Variants in MGMT observed in about 807,000 individuals in gnomAD.
MGMT encodes the protein methylated-DNA--protein-cysteine methyltransferase.
Under a neutral mutation model 15.9 loss-of-function variants are expected in MGMT, and 14 were observed. The observed-to-expected ratio is 0.88, with a 90% confidence interval of 0.58 to 1.37. The LOEUF is 1.37. MGMT is among the 40% of genes most tolerant of loss of function. MGMT has a pLI of 0.00. For synonymous variants in MGMT, 130 were observed against 118.2 expected, an observed-to-expected ratio of 1.10 and a Z score of -0.65; for missense variants, 282 against 268.1, an observed-to-expected ratio of 1.05 and a Z score of -0.36.
intron 2 of MGMT, among the ~76,000 whole-genome samples, chr10:129,680,698 C>T (rs1847841794): frequency 6.6e-6 from 1 of 152,214 alleles, no homozygotes; most frequent in African/African-American, 2.4e-5. Flanking sequence ...TTTAACCAGT[C>T]GTCAGGTATT....
Position 129,496,861 on chromosome 10 carries a change from TA to T in MGMT, c.-13+29571del, listed in dbSNP as rs567469760. The stretch of plus-strand genomic sequence containing the variant: ...TTGTTTTGTTAATTTTTTTCTTTTT[TA>T]AAAAATTAATTGTAGAGATGGGGTC... On this transcript the variant is annotated intron_variant, in intron 1 of 4. Coordinates refer to ENST00000651593, the MANE Select transcript of MGMT (RefSeq NM_002412.5). Among the ~76,000 whole-genome samples, 141 of 152,316 alleles carry T rather than the reference TA, an allele frequency of 9.3e-4. 1 individual carries two copies. The highest frequency in any genetic ancestry group is 1.7e-3 in the Non-Finnish European group (113 of 68,034).
rs534574927 is a variant in MGMT, at chr10:129,757,042, C to T, written c.275-2160C>T. Among the ~76,000 whole-genome samples the T allele has an allele frequency of 4.6e-5, 7 of 152,316 alleles. No individual in the cohort carries two copies. In the East Asian group the frequency reaches 1.4e-3, roughly 29 times the overall value. Reference sequence around the variant, plus strand: ...AGCTGCTTCAACTAATTACTGCATTCGTTCGCTGCAGGGTGAAACAGAGTT... The same window carrying T: ...AGCTGCTTCAACTAATTACTGCATTTGTTCGCTGCAGGGTGAAACAGAGTT... On this transcript the variant is annotated intron_variant, in intron 3 of 4. Transcript: ENST00000651593.
At chr10:129,575,996 A>G (rs1030209625) in intron 2 of MGMT, among the ~76,000 whole-genome samples, 2 of 152,234 alleles carry the variant, frequency 1.3e-5, no homozygotes, top group East Asian at 3.9e-4. Context: ...AAGAAGTTGA[A>G]TCTCTGAATA....
intron 2 of MGMT, among the ~76,000 whole-genome samples, chr10:129,591,243 A>G (rs1045557633): frequency 4.6e-5 from 7 of 152,204 alleles, no homozygotes; most frequent in African/African-American, 1.7e-4. Context: ...GCCAAAAGCA[A>G]GTATGCTGCC....
At chr10:129,526,664 G>A (rs963080564) in intron 1 of MGMT, among the ~76,000 whole-genome samples, 4 of 152,160 alleles carry the variant, frequency 2.6e-5, no homozygotes, top group African/African-American at 9.7e-5. Context: ...CGGCTAGTCT[G>A]TTTCTGTGTG....
intron 3 of MGMT, among the ~76,000 whole-genome samples, chr10:129,745,976 C>T (rs1260069836): frequency 6.6e-6 from 1 of 152,100 alleles, no homozygotes; most frequent in Non-Finnish European, 1.5e-5. Flanking sequence ...GAAGCTCATG[C>T]CTGTAATCCC....
At chr10:129,623,067 T>G (rs1233576051) in intron 2 of MGMT, among the ~76,000 whole-genome samples, 1 of 152,240 alleles carries the variant, frequency 6.6e-6, no homozygotes, top group African/African-American at 2.4e-5. Context: ...GCTCTCTGGT[T>G]GTCAGATCCT....
chr10:129,696,769 G>A (rs763177466), intron 2 of MGMT, among the ~76,000 whole-genome samples: 1 of 152,192 alleles, frequency 6.6e-6, no homozygotes, highest in South Asian at 2.1e-4. Context: ...GTGCCTGGCT[G>A]TTTGTCCCAG....
rs78684170 is a variant in MGMT at position 129,551,145 on chromosome 10, G to A, written c.125+14768G>A. Reference sequence around the variant, plus strand: ...CAGTGGGAAGGAATTCAAAGAAATAGAACATTCTACACAAATGTGGGGAGG... The same window carrying A: ...CAGTGGGAAGGAATTCAAAGAAATAAAACATTCTACACAAATGTGGGGAGG... On this transcript the variant is annotated intron_variant, in intron 2 of 4. Coordinates refer to ENST00000651593, the MANE Select transcript of MGMT (RefSeq NM_002412.5). Among the ~76,000 whole-genome samples, 1,398 of 152,330 alleles carry A rather than the reference G, an allele frequency of 9.2e-3. 11 individuals carry two copies. The highest frequency in any genetic ancestry group is 0.048 in the Middle Eastern group (14 of 294).
rs180813927 is a variant in MGMT at position 129,599,113 on chromosome 10, A to C, written c.125+62736A>C. ...AGCCTCCCAAAGCCAGAGTAGGCTC[A>C]GATGGACAGAAAAAGGAAAGTGACA... On this transcript the variant is annotated intron_variant, in intron 2 of 4. Coordinates refer to ENST00000651593, the MANE Select transcript of MGMT (RefSeq NM_002412.5). Among the ~76,000 whole-genome samples the C allele has an allele frequency of 2.2e-3, 340 of 152,374 alleles. 1 individual carries two copies. The highest frequency in any genetic ancestry group is 7.7e-3 in the African/African-American group (322 of 41,584).
intron 2 of MGMT, 68 bp downstream of exon 2, chr10:129,536,445 C>A (rs1029729484): frequency 2.6e-6 from 4 of 1,545,642 alleles, no homozygotes; most frequent in East Asian, 4.6e-5. Flanking sequence ...TATGTGATAA[C>A]GGCATGTTTT....
intron 2 of MGMT, among the ~76,000 whole-genome samples, chr10:129,621,609 T>C (rs929090115): frequency 1.2e-4 from 19 of 152,286 alleles, no homozygotes; most frequent in African/African-American, 4.6e-4. Flanking sequence ...TGGTGAGCAG[T>C]GCATGGTTGC....
chr10:129,529,278 AT>A (rs1174291837), intron 1 of MGMT, among the ~76,000 whole-genome samples: 1 of 152,090 alleles, frequency 6.6e-6, no homozygotes, highest in Middle Eastern at 3.4e-3. Context: ...GGGGTCCCCA[AT>A]TTTTTTGGCA....
intron 2 of MGMT, among the ~76,000 whole-genome samples, chr10:129,632,703 G>C (rs1847224436): frequency 6.6e-6 from 1 of 152,122 alleles, no homozygotes. Flanking sequence ...GCTGGAGTTT[G>C]GGGGAGAGAG....
intron 2 of MGMT, among the ~76,000 whole-genome samples, chr10:129,562,902 G>GT (rs1284684666): frequency 6.6e-6 from 1 of 152,216 alleles, no homozygotes; most frequent in Non-Finnish European, 1.5e-5. Context: ...GTGGTTCAGC[G>GT]TTTGAGTTTT....
At chr10:129,685,297 A>G (rs140127119) in intron 2 of MGMT, among the ~76,000 whole-genome samples, 34 of 152,368 alleles carry the variant, frequency 2.2e-4, no homozygotes, top group Non-Finnish European at 3.2e-4. Flanking sequence ...ATGATCAAGT[A>G]CAGAATCTTG....
At position 129,768,310 on chromosome 10, in the gene MGMT, A is replaced by G. The variant is rs113342054; in HGVS notation, c.*1313A>G. 9.5e-3 allele frequency among the ~76,000 whole-genome samples: 1,445 copies of G among 152,330 alleles called. 30 individuals carry two copies. The highest frequency in any genetic ancestry group is 0.033 in the African/African-American group (1,362 of 41,578). On this transcript the variant is annotated 3_prime_UTR_variant, in exon 5 of 5. Transcript: ENST00000651593. ...ATCAGCCAAAATCTCGGTTTTTCCT[A>G]TGACATGAAGTGATGTGACTCTTAC...
intron 2 of MGMT, among the ~76,000 whole-genome samples, chr10:129,593,053 C>T (rs1300685185): frequency 2.0e-5 from 3 of 152,152 alleles, no homozygotes; most frequent in East Asian, 1.9e-4. Flanking sequence ...GGGGATGCTG[C>T]GAGGTCAGAG....
chr10:129,520,350 G>A (rs1466767791), intron 1 of MGMT, among the ~76,000 whole-genome samples: 3 of 152,128 alleles, frequency 2.0e-5, no homozygotes, highest in Non-Finnish European at 1.5e-5. Context: ...CGAGGTTGCC[G>A]AAACTGGAGT....
Sources: allele counts gnomAD v4.1 joint callset (sites outside exome capture counted in the v4.1 genomes callset), GRCh38; gene constraint gnomAD v4.1.1; transcripts MANE v1.5; gene names NCBI Gene and HGNC (gene_info 2026-07-23, HGNC 2026-07-21).